SEMA6A: variants seen among roughly 807,000 people sequenced by gnomAD.
The protein encoded by SEMA6A is semaphorin 6A, also known as semaphorin-6A.
Under a neutral mutation model 96.8 loss-of-function variants are expected in SEMA6A, and 25 were observed. The ratio of observed to expected loss-of-function variants is 0.26; its 90% confidence interval spans 0.19 to 0.36. The LOEUF is 0.36. Among genes scored for constraint, SEMA6A ranks in the 10% least tolerant of loss-of-function variants. The pLI is 1.00. For synonymous variants in SEMA6A, 612 were observed against 518.0 expected (o/e 1.18, Z -2.46); for missense variants, 1,363 against 1,323.1 (o/e 1.03, Z -0.47).
rs182392378 is a variant in SEMA6A, at chr5:116,532,183, C to T, written c.-38-27201G>A. 4.6e-5 allele frequency among the ~76,000 whole-genome samples: 7 copies of T among 152,262 alleles called. No homozygotes were observed. In the East Asian group the frequency reaches 1.4e-3, roughly 29 times the overall value. Reference sequence around the variant, plus strand: ...CAAGCATTTCTAACATTCCCAACCTCCTGAGTCAACACCATTTCTTGATGT... The same window carrying T: ...CAAGCATTTCTAACATTCCCAACCTTCTGAGTCAACACCATTTCTTGATGT... On this transcript the variant is annotated intron_variant, in intron 1 of 18. Coordinates refer to ENST00000343348, the MANE Select transcript of SEMA6A (RefSeq NM_020796.5).
chr5:116,490,372 G>A (rs929154198), intron 7 of SEMA6A, among the ~76,000 whole-genome samples: 1 of 152,056 alleles, frequency 6.6e-6, no homozygotes, highest in Admixed American at 6.6e-5. Flanking sequence ...ACAGTGCTGG[G>A]ATTACAGGTG....
At chr5:116,554,177 C>T (rs116452132) in intron 1 of SEMA6A, among the ~76,000 whole-genome samples, 1,820 of 152,124 alleles carry the variant, frequency 0.012, 17 homozygotes, top group Non-Finnish European at 0.018. Flanking sequence ...TATTATTTGC[C>T]GGCACATAGA....
At chr5:116,461,224 C>A (rs369977199) in intron 18 of SEMA6A, among the ~76,000 whole-genome samples, 1 of 152,082 alleles carries the variant, frequency 6.6e-6, no homozygotes, top group Non-Finnish European at 1.5e-5. Flanking sequence ...CCGTCACAAT[C>A]AATTCACTAT....
At chr5:116,510,583 T>A (rs1297206095) in intron 1 of SEMA6A, among the ~76,000 whole-genome samples, 2 of 152,154 alleles carry the variant, frequency 1.3e-5, no homozygotes, top group African/African-American at 4.8e-5. Flanking sequence ...ATTCTTCAGC[T>A]GAGACACTAA....
chr5:116,494,684 T>C (rs890060022), intron 6 of SEMA6A, among the ~76,000 whole-genome samples: 1 of 152,210 alleles, frequency 6.6e-6, no homozygotes, highest in Admixed American at 6.5e-5. Flanking sequence ...CCTGTCTGTC[T>C]TTACAACCTC....
intron 18 of SEMA6A, chr5:116,449,298 A>T (rs1172272810): frequency 2.8e-6 from 2 of 702,432 alleles, no homozygotes; most frequent in East Asian, 2.7e-5. Context: ...TGGAAATGAT[A>T]GCAAGACAGA....
chr5:116,504,922 A>T lies in SEMA6A; in HGVS notation c.23T>A (p.Leu8Gln). MRSEALL[L>Q]YFTLLHFAGA... The stretch of plus-strand genomic sequence containing the variant: ...AGCAAAGTGTAGCAGTGTGAAATAT[A>T]GCAGCAAGGCTTCTGACCTCATAGT... Residue 8 changes from leucine to glutamine, a missense_variant, in exon 2 of 19, where the codon CTA (leucine) becomes CAA (glutamine). Leu to Gln is a moderately radical substitution (Grantham distance 113, BLOSUM62 -2). Coordinates refer to ENST00000343348, the MANE Select transcript of SEMA6A (RefSeq NM_020796.5). 1 of 1,600,526 alleles carries T rather than the reference A, an allele frequency of 6.2e-7. No homozygotes were observed. Among genetic ancestry groups the T allele is most frequent in the South Asian group, 1.1e-5 (1 of 87,966 alleles).
intron 6 of SEMA6A, 141 bp downstream of exon 6, chr5:116,495,272 G>A (rs755794778): frequency 4.4e-6 from 3 of 682,564 alleles, no homozygotes; most frequent in Admixed American, 4.9e-5. Flanking sequence ...GATCACTCAT[G>A]TGGAGCAATA....
intron 1 of SEMA6A, among the ~76,000 whole-genome samples, chr5:116,569,027 G>T (rs1442938067): frequency 6.6e-6 from 1 of 152,222 alleles, no homozygotes; most frequent in South Asian, 2.1e-4. Flanking sequence ...GATGTGCCAG[G>T]CACAGCTTTA....
At chr5:116,518,587 CAG>C (rs201335182) in intron 1 of SEMA6A, among the ~76,000 whole-genome samples, 10 of 152,176 alleles carry the variant, frequency 6.6e-5, no homozygotes, top group Non-Finnish European at 1.5e-4. Context: ...GGTGATAAAT[CAG>C]AGAGAAAGTG....
rs145632174 is a variant in SEMA6A, at chr5:116,505,568, A to G, written c.-38-586T>C. On this transcript the variant is annotated intron_variant, in intron 1 of 18. Transcript: ENST00000343348. ...ATTCACCCCTGACTTATGTCATTCT[A>G]CAGTGACTTAGGCATAAATAAATAA... 4.4e-3 allele frequency among the ~76,000 whole-genome samples: 674 copies of G among 152,270 alleles called. 2 individuals carry two copies. Among genetic ancestry groups the G allele is most frequent in the Admixed American group, 0.012 (183 of 15,280 alleles).
chr5:116,488,874 A>G lies in SEMA6A; in HGVS notation c.655+14T>C. 1 of 1,551,818 alleles carries G rather than the reference A, an allele frequency of 6.4e-7. No individual in the cohort carries two copies. Among genetic ancestry groups the G allele is most frequent in the South Asian group, 1.2e-5 (1 of 83,630 alleles). ...CCTCCCCTCCGACCCTCCTTCTTTT[A>G]ATTGTTTGTTCACCTTTCAACCATT... On this transcript the variant is annotated intron_variant, in intron 8 of 18. Transcript: ENST00000343348.
chr5:116,516,839 T>C (rs1276611535), intron 1 of SEMA6A, among the ~76,000 whole-genome samples: 1 of 152,214 alleles, frequency 6.6e-6, no homozygotes, highest in African/African-American at 2.4e-5. Flanking sequence ...TCTCTACCAC[T>C]TGATGACTTG....
At chr5:116,543,037 TGAA>T (rs761564653) in intron 1 of SEMA6A, among the ~76,000 whole-genome samples, 5 of 152,206 alleles carry the variant, frequency 3.3e-5, no homozygotes, top group Non-Finnish European at 5.9e-5. Context: ...ATCATAAAGT[TGAA>T]GAATTTTTTT....
intron 1 of SEMA6A, among the ~76,000 whole-genome samples, chr5:116,552,537 C>T (rs1049461499): frequency 4.6e-5 from 7 of 152,110 alleles, no homozygotes; most frequent in African/African-American, 7.2e-5. Flanking sequence ...ATTAAAGGGA[C>T]GCTCTTCTCC....
At chr5:116,518,877 T>G (rs1758790478) in intron 1 of SEMA6A, among the ~76,000 whole-genome samples, 2 of 152,186 alleles carry the variant, frequency 1.3e-5, no homozygotes, top group South Asian at 4.1e-4. Context: ...CACATGAACG[T>G]CTTTCAAAGA....
At chr5:116,567,279 A>C (rs1170009407) in intron 1 of SEMA6A, among the ~76,000 whole-genome samples, 1 of 152,128 alleles carries the variant, frequency 6.6e-6, no homozygotes, top group East Asian at 1.9e-4. Context: ...AACCCATGAC[A>C]TTATGGCCTG....
intron 1 of SEMA6A, among the ~76,000 whole-genome samples, chr5:116,571,511 G>C (rs1010729546): frequency 6.6e-6 from 1 of 152,156 alleles, no homozygotes; most frequent in South Asian, 2.1e-4. Context: ...TAAATTTGAT[G>C]TTCGTTCTTT....
chr5:116,540,236 TATC>T (rs1369603385), intron 1 of SEMA6A, among the ~76,000 whole-genome samples: 3 of 152,238 alleles, frequency 2.0e-5, no homozygotes, highest in Non-Finnish European at 4.4e-5. Flanking sequence ...AAGTATGCAT[TATC>T]ATGCCTTTGA....
Sources: allele counts gnomAD v4.1 joint callset (sites outside exome capture counted in the v4.1 genomes callset), GRCh38; gene constraint gnomAD v4.1.1; transcripts MANE v1.5; gene names NCBI Gene and HGNC (gene_info 2026-07-23, HGNC 2026-07-21).